Variants in TRAPPC9 observed in about 807,000 individuals in gnomAD.
TRAPPC9 encodes the protein trafficking protein particle complex subunit 9.
TRAPPC9 carries 83 observed loss-of-function variants against 124.0 expected under a neutral mutation model. The ratio of observed to expected loss-of-function variants is 0.67; its 90% CI spans 0.56 to 0.80. TRAPPC9 has a LOEUF of 0.80. TRAPPC9 is among the 30% of genes least tolerant of loss of function. The probability of loss-of-function intolerance (pLI) is 0.00; values close to 1 mark genes in which losing one functional copy is unlikely to be tolerated. For missense variants in TRAPPC9, 1,302 were observed against 1,508.3 expected, an observed-to-expected ratio of 0.86 and a Z score of 2.27; for synonymous variants, 638 against 617.5, an observed-to-expected ratio of 1.03 and a Z score of -0.49.
At chr8:139,751,139 G>C (rs1026791085) in intron 21 of TRAPPC9, among the ~76,000 whole-genome samples, 1 of 152,224 alleles carries the variant, frequency 6.6e-6, no homozygotes, top group Non-Finnish European at 1.5e-5. Context: ...TGGGAGAAAG[G>C]TTATGGGAGG....
chr8:140,281,886 C>T (rs1406843435), intron 14 of TRAPPC9, among the ~76,000 whole-genome samples: 2 of 152,210 alleles, frequency 1.3e-5, no homozygotes, highest in Non-Finnish European at 2.9e-5. Flanking sequence ...CCCATCGAGC[C>T]TGTTGTCGCC....
At chr8:140,090,192 G>A (rs1437050403) in intron 17 of TRAPPC9, among the ~76,000 whole-genome samples, 1 of 152,184 alleles carries the variant, frequency 6.6e-6, no homozygotes, top group Non-Finnish European at 1.5e-5. Context: ...TATGTAGGTT[G>A]ACCCGGTTTG....
intron 5 of TRAPPC9, 104 bp downstream of exon 5, chr8:140,426,511 G>A: frequency 8.6e-7 from 1 of 1,158,190 alleles, no homozygotes; most frequent in Non-Finnish European, 1.3e-6. Flanking sequence ...AAATCAGAAT[G>A]TTCCAAAGAT....
intron 17 of TRAPPC9, among the ~76,000 whole-genome samples, chr8:140,155,398 C>T (rs980761965): frequency 6.6e-6 from 1 of 152,170 alleles, no homozygotes; most frequent in Non-Finnish European, 1.5e-5. Context: ...CCAAGCAGGA[C>T]GCCACAGCCA....
chr8:140,238,166 G>A (rs868277810), intron 16 of TRAPPC9, among the ~76,000 whole-genome samples: 3 of 152,202 alleles, frequency 2.0e-5, no homozygotes, highest in African/African-American at 2.4e-5. Flanking sequence ...TCCAGGAGAC[G>A]TCGGTTCCGG....
intron 19 of TRAPPC9, among the ~76,000 whole-genome samples, chr8:139,935,107 G>A (rs1364629202): frequency 3.3e-5 from 5 of 152,094 alleles, no homozygotes; most frequent in Middle Eastern, 3.2e-3. Flanking sequence ...TGGGAGCCCC[G>A]AAAGACCAGA....
chr8:140,223,901 T>C (rs1193821183), intron 16 of TRAPPC9, among the ~76,000 whole-genome samples: 1 of 152,204 alleles, frequency 6.6e-6, no homozygotes, highest in African/African-American at 2.4e-5. Context: ...AGCTAAATTA[T>C]CTTACGTTAA....
chr8:140,345,493 G>C (rs574934414), intron 9 of TRAPPC9, among the ~76,000 whole-genome samples: 1 of 152,144 alleles, frequency 6.6e-6, no homozygotes, highest in Non-Finnish European at 1.5e-5. Context: ...GCATTTGAGA[G>C]AACAGCAGGG....
At chr8:140,298,811 C>T (rs912757382) in intron 11 of TRAPPC9, among the ~76,000 whole-genome samples, 2 of 152,204 alleles carry the variant, frequency 1.3e-5, no homozygotes, top group Non-Finnish European at 2.9e-5. Context: ...TCAGTTTCCC[C>T]GTCAACAAAA....
chr8:140,456,921 G>A (rs2071687684), intron 1 of TRAPPC9: 1 of 749,488 alleles, frequency 1.3e-6, no homozygotes, highest in Non-Finnish European at 1.6e-6. Context: ...GGGAAGGTCT[G>A]CAGGGGTGGA....
In TRAPPC9 at chr8:139,844,425, G is replaced by A. The variant is rs576455215; in HGVS notation, c.3055+41454C>T. 7.2e-5 allele frequency among the ~76,000 whole-genome samples: 11 copies of A among 152,366 alleles called. No individual in the cohort carries two copies. The East Asian group carries it at 2.1e-3, about 29-fold the overall frequency. On this transcript the variant is annotated intron_variant, in intron 21 of 22. Transcript: ENST00000438773. ...GTCACAGGATGAGAGAGAAGGATGA[G>A]GCTTTTCTATTTCGTCAAGACGTTC...
chr8:139,810,559 C>T (rs1451714106), intron 21 of TRAPPC9, among the ~76,000 whole-genome samples: 1 of 152,146 alleles, frequency 6.6e-6, no homozygotes, highest in African/African-American at 2.4e-5. Flanking sequence ...CTTCTACCAG[C>T]ACACCACTGC....
At chr8:139,816,627 A>G (rs1392102301) in intron 21 of TRAPPC9, among the ~76,000 whole-genome samples, 1 of 150,918 alleles carries the variant, frequency 6.6e-6, no homozygotes, top group African/African-American at 2.4e-5. Context: ...CTGGGACCCA[A>G]CTGCAGGTCT....
chr8:140,439,385 A>G (rs1236749254), intron 2 of TRAPPC9, among the ~76,000 whole-genome samples, 188 bp from the exon 3 acceptor site: 2 of 152,212 alleles, frequency 1.3e-5, no homozygotes, highest in Non-Finnish European at 2.9e-5. Context: ...TCAAAAATGT[A>G]CTGCCAAGCA....
chr8:139,997,326 A>ACATCCTACACAGGGCAGACAACG (rs796112555), intron 18 of TRAPPC9, among the ~76,000 whole-genome samples: 1 of 146,518 alleles, frequency 6.8e-6, no homozygotes, highest in Non-Finnish European at 1.5e-5. Flanking sequence ...GGGAGAAAAT[A>ACATCCTACACAGGGCAGACAACG]CATCCTACAC....
At position 140,451,085 on chromosome 8, in the gene TRAPPC9, C is replaced by A. The variant is rs781469639; in HGVS notation, c.289G>T (p.Glu97Ter). Residue 97 changes from glutamate to a stop codon, truncating the protein, a stop_gained, in exon 2 of 23, where the codon GAG becomes TAG. Transcript: ENST00000438773. LOFTEE classifies it high-confidence loss of function. ...ATCTCCTTCTGCACGTGGAACTTCTCAAAGGTCTGTGGCCAGTCCTTGGCC... is the reference window on the plus strand; with the variant it reads ...ATCTCCTTCTGCACGTGGAACTTCTAAAAGGTCTGTGGCCAGTCCTTGGCC... ...FSAKDWPQTF[E>*]KFHVQKEIYG... is the part of the protein sequence containing the mutation. The A allele has an allele frequency of 5.0e-5, 81 of 1,613,908 alleles. No homozygotes were observed. Among genetic ancestry groups the A allele is most frequent in the Non-Finnish European group, 6.9e-5 (81 of 1,180,008 alleles).
chr8:140,060,773 T>G (rs1842563504), intron 17 of TRAPPC9, among the ~76,000 whole-genome samples: 1 of 152,184 alleles, frequency 6.6e-6, no homozygotes, highest in Non-Finnish European at 1.5e-5. Flanking sequence ...CCTTATTTAA[T>G]TCATCCCCCC....
intron 21 of TRAPPC9, among the ~76,000 whole-genome samples, chr8:139,871,289 T>A (rs973526888): frequency 1.3e-5 from 2 of 152,216 alleles, no homozygotes; most frequent in African/African-American, 4.8e-5. Context: ...TGAGTCCATT[T>A]TTATTAGCTC....
chr8:139,914,491 C>T (rs3816623), intron 19 of TRAPPC9, among the ~76,000 whole-genome samples: 24,423 of 152,252 alleles, frequency 0.16, 2,315 homozygotes, highest in East Asian at 0.39. Flanking sequence ...CGGGAGATGG[C>T]GGCAGGCTTC....
Sources: gnomAD v4.1 joint callset for allele counts (sites outside exome capture counted in the v4.1 genomes callset) on GRCh38, gnomAD v4.1.1 for gene constraint, MANE v1.5 for transcripts, NCBI Gene and HGNC (gene_info 2026-07-23, HGNC 2026-07-21) for gene names.